Variants in SEPTIN11 observed in about 807,000 individuals in gnomAD.
SEPTIN11 encodes the protein septin 11.
In SEPTIN11, 25 loss-of-function variants were observed where a neutral mutation model predicts 51.4. The ratio of observed to expected loss-of-function variants is 0.49; its 90% CI spans 0.35 to 0.68. The LOEUF (loss-of-function observed/expected upper bound fraction) is 0.68. SEPTIN11 is among the 30% of genes least tolerant of loss of function. The pLI is 0.00. For synonymous variants in SEPTIN11, 174 were observed against 184.1 expected, an observed-to-expected ratio of 0.95 and a Z score of 0.44; for missense variants, 381 against 520.8, an observed-to-expected ratio of 0.73 and a Z score of 2.61.
chr4:77,019,109 A>G, intron 5 of SEPTIN11, 56 bp from the exon 6 acceptor site: 1 of 1,491,072 alleles, frequency 6.7e-7, no homozygotes, highest in East Asian at 2.4e-5. Context: ...AGACTGGTGG[A>G]AACCAGTCTG....
intron 7 of SEPTIN11, among the ~76,000 whole-genome samples, chr4:77,026,582 ATTCTCCC>A (rs1275288074): frequency 4.6e-5 from 7 of 152,114 alleles, no homozygotes; most frequent in Non-Finnish European, 1.0e-4. Flanking sequence ...CAGGGGCACC[ATTCTCCC>A]TTCCGTCTTT....
At chr4:76,953,293 T>G (rs1721420525) in intron 1 of SEPTIN11, among the ~76,000 whole-genome samples, 1 of 152,178 alleles carries the variant, frequency 6.6e-6, no homozygotes, top group Non-Finnish European at 1.5e-5. Context: ...AGCTTTATTG[T>G]TTGAGAGATT....
At chr4:77,012,069 C>T (rs773707904) in intron 4 of SEPTIN11, 148 bp downstream of exon 4, 162 of 466,860 alleles carry the variant, frequency 3.5e-4, no homozygotes, top group Admixed American at 2.1e-4. Flanking sequence ...CGCTTCAAAA[C>T]CTCTTGCCTG....
Position 77,036,432 on chromosome 4 carries a change from G to T in SEPTIN11, c.*1920G>T, listed in dbSNP as rs1245516914. ...TGTATGCTTGTTCCAACCACCGCTT[G>T]TGTGAGCATTTTTGTGGCTTGTACA... On this transcript the variant is annotated 3_prime_UTR_variant, in exon 10 of 10. Transcript: ENST00000264893. 4.6e-5 allele frequency: 54 copies of T among 1,179,082 alleles called. No homozygotes were observed. Among genetic ancestry groups the T allele is most frequent in the Non-Finnish European group, 5.6e-5 (53 of 948,216 alleles). The allele number at this position is 1,179,082 out of a possible 1,614,324, so 73.0% of individuals were successfully genotyped here.
Position 77,011,822 on chromosome 4 carries a change from C to T in SEPTIN11, c.426C>T (p.Tyr142=). ...ELKIKRSLFN[Y]HDTRIHACLY... ...AGATTAAACGTTCTCTCTTCAACTA[C>T]CATGACACGAGGATCCATGCCTGCC... The change falls in exon 4 of 10, where the codon TAC becomes TAT. Residue 142 remains tyrosine (Y), a synonymous_variant. Coordinates refer to ENST00000264893, the MANE Select transcript of SEPTIN11 (RefSeq NM_018243.4). 6.2e-7 allele frequency: 1 copy of T among 1,614,076 alleles called. No individual in the cohort carries two copies. Among genetic ancestry groups the T allele is most frequent in the South Asian group, 1.1e-5 (1 of 91,084 alleles).
chr4:76,950,340 T>C (rs760513672), intron 1 of SEPTIN11, among the ~76,000 whole-genome samples: 34 of 152,158 alleles, frequency 2.2e-4, no homozygotes, highest in Non-Finnish European at 4.6e-4. Flanking sequence ...GGCATGGGAA[T>C]TGCGAGCTGA....
Position 77,006,154 on chromosome 4 carries a change from G to A in SEPTIN11, c.338+358G>A, listed in dbSNP as rs140323367. Among the ~76,000 whole-genome samples, 59 of 152,200 alleles carry A rather than the reference G, an allele frequency of 3.9e-4. 1 individual carries two copies. The highest frequency in any genetic ancestry group is 8.5e-4 in the Admixed American group (13 of 15,284). On this transcript the variant is annotated intron_variant, in intron 3 of 9. Transcript: ENST00000264893. ...GCCACCCTACAGAACAGTTTTAGCAGAAACCCCAGCCATCAATCACTTCAT... is the reference window on the plus strand; with the variant it reads ...GCCACCCTACAGAACAGTTTTAGCAAAAACCCCAGCCATCAATCACTTCAT...
chr4:77,010,469 T>A (rs1724783962), intron 3 of SEPTIN11, among the ~76,000 whole-genome samples: 1 of 152,108 alleles, frequency 6.6e-6, no homozygotes, highest in African/African-American at 2.4e-5. Flanking sequence ...TTTTTTTTTT[T>A]TTTAAAGCCT....
In SEPTIN11 at chr4:76,964,259, G is replaced by A. The variant is rs527747694; in HGVS notation, c.27+14329G>A. ...AGAAAATAGTATAATGAACCCTTCCGTCCCATCACCTAGCCCAGTCATCAA... is the reference window on the plus strand; with the variant it reads ...AGAAAATAGTATAATGAACCCTTCCATCCCATCACCTAGCCCAGTCATCAA... On this transcript the variant is annotated intron_variant, in intron 1 of 9. Transcript: ENST00000264893. Among the ~76,000 whole-genome samples the A allele has an allele frequency of 8.7e-4, 129 of 148,934 alleles. 1 individual carries two copies. The highest frequency in any genetic ancestry group is 2.2e-3 in the African/African-American group (90 of 40,318).
In SEPTIN11 at chr4:77,024,749, A is replaced by T. The variant is rs1725985483; in HGVS notation, c.954-3880A>T. On this transcript the variant is annotated intron_variant, in intron 7 of 9. Coordinates refer to ENST00000264893, the MANE Select transcript of SEPTIN11 (RefSeq NM_018243.4). The surrounding 1 kb of genome is among the most constrained non-coding windows in gnomAD (Gnocchi z 4.2). ...ATGCAGTGCAGGAGATGGAGTTCTTATCTGAGCAAGGCAGCCTGGTCTCAG... is the reference window on the plus strand; with the variant it reads ...ATGCAGTGCAGGAGATGGAGTTCTTTTCTGAGCAAGGCAGCCTGGTCTCAG... Among the ~76,000 whole-genome samples the T allele has an allele frequency of 6.6e-6, 1 of 152,186 alleles. No individual in the cohort carries two copies. Among genetic ancestry groups the T allele is most frequent in the South Asian group, 2.1e-4 (1 of 4,832 alleles).
intron 7 of SEPTIN11, among the ~76,000 whole-genome samples, chr4:77,025,043 CTG>C (rs983450654): frequency 6.6e-5 from 10 of 152,172 alleles, no homozygotes; most frequent in Non-Finnish European, 1.2e-4. Context: ...ACTGAAGTGT[CTG>C]TGTTCGTTCT....
In SEPTIN11 at chr4:77,037,588, A is replaced by T. The variant is rs773886447; in HGVS notation, c.*3076A>T. 2.6e-5 allele frequency: 26 copies of T among 985,394 alleles called. No individual in the cohort carries two copies. Among genetic ancestry groups the T allele is most frequent in the Middle Eastern group, 5.2e-4 (1 of 1,914 alleles). The allele number at this position is 985,394 out of a possible 1,614,324, so 61.0% of individuals were successfully genotyped here. A position where few individuals can be genotyped will look rare whatever the true frequency, so the allele number is the denominator to read the frequency against. On this transcript the variant is annotated 3_prime_UTR_variant, in exon 10 of 10. Coordinates refer to ENST00000264893, the MANE Select transcript of SEPTIN11 (RefSeq NM_018243.4). The stretch of plus-strand genomic sequence containing the variant: ...GGTCTCTCCCTGGTGCTAACTGCTG[A>T]CAGTGGCCACCTCTTTTTTGGGGAT...
At chr4:77,016,155 T>C (rs2109962253) in intron 5 of SEPTIN11, among the ~76,000 whole-genome samples, 1 of 152,278 alleles carries the variant, frequency 6.6e-6, no homozygotes, top group Admixed American at 6.5e-5. Context: ...CTGACATTTT[T>C]CACATTTCTG....
intron 1 of SEPTIN11, among the ~76,000 whole-genome samples, chr4:76,950,515 C>A (rs879821212): frequency 5.9e-5 from 9 of 152,268 alleles, no homozygotes; most frequent in Non-Finnish European, 1.3e-4. Context: ...ACAAAGTTTT[C>A]TGGAGGCTCC....
At position 77,034,644 on chromosome 4, in the gene SEPTIN11, T is replaced by C. The variant is rs1393632167; in HGVS notation, c.*132T>C. On this transcript the variant is annotated 3_prime_UTR_variant, in exon 10 of 10. Transcript: ENST00000264893. ...CCCTTCCTCAAACACCAGTAACTATTATTAACTCGTTTTGCTGAATGTTGT... is the reference window on the plus strand; with the variant it reads ...CCCTTCCTCAAACACCAGTAACTATCATTAACTCGTTTTGCTGAATGTTGT... 1.5e-6 allele frequency: 2 copies of C among 1,344,758 alleles called. No homozygotes were observed. The highest frequency in any genetic ancestry group is 3.9e-5 in the Admixed American group (1 of 25,410). The allele number at this position is 1,344,758 out of a possible 1,614,324, so 83.3% of individuals were successfully genotyped here. A position where few individuals can be genotyped will look rare whatever the true frequency, so the allele number is the denominator to read the frequency against.
chr4:77,012,361 A>G (rs1177293866), intron 4 of SEPTIN11, among the ~76,000 whole-genome samples: 2 of 152,214 alleles, frequency 1.3e-5, no homozygotes, highest in Non-Finnish European at 2.9e-5. Flanking sequence ...GTTCAAGTAA[A>G]GCAAAGTCTT....
At chr4:77,032,022 A>C (rs1018034605) in intron 9 of SEPTIN11, 1 of 152,236 alleles carries the variant, frequency 6.6e-6, no homozygotes, top group African/African-American at 2.4e-5. Context: ...AAGTCTCTGC[A>C]CAATAATTGA....
chr4:76,973,876 G>T lies in SEPTIN11; in HGVS notation c.28-22549G>T, dbSNP rs541475189. ...CTTCTGAATGTTAGCTAGTTTTAGA[G>T]ATGTAAAGCACTAAGCCACTATTTC... is the stretch of plus-strand genomic sequence containing the variant. On this transcript the variant is annotated intron_variant, in intron 1 of 9. Coordinates refer to ENST00000264893, the MANE Select transcript of SEPTIN11 (RefSeq NM_018243.4). 9.2e-5 allele frequency among the ~76,000 whole-genome samples: 14 copies of T among 152,260 alleles called. No individual in the cohort carries two copies. The East Asian group carries it at 2.5e-3, about 27-fold the overall frequency.
At chr4:77,019,493 G>A (rs1485268791) in intron 6 of SEPTIN11, among the ~76,000 whole-genome samples, 3 of 152,218 alleles carry the variant, frequency 2.0e-5, no homozygotes, top group East Asian at 3.9e-4. Flanking sequence ...ACCCCTCAAG[G>A]ATGCTGGGTT....
Sources: gnomAD v4.1 joint callset for allele counts (sites outside exome capture counted in the v4.1 genomes callset) on GRCh38, gnomAD v4.1.1 for gene constraint, Gnocchi (gnomAD v3.1) non-coding constraint, MANE v1.5 for transcripts, NCBI Gene and HGNC (gene_info 2026-07-23, HGNC 2026-07-21) for gene names.